VSX2: variants seen among roughly 807,000 people sequenced by gnomAD.
VSX2 encodes the protein ceh-10 homeo domain containing homolog.
Under a neutral mutation model 32.1 loss-of-function variants are expected in VSX2, and 28 were observed. The ratio of observed to expected loss-of-function variants is 0.87; its 90% CI spans 0.65 to 1.20. The LOEUF (loss-of-function observed/expected upper bound fraction) is 1.20. VSX2 is among the 50% of genes most tolerant of loss of function. The pLI, the probability that VSX2 is intolerant of heterozygous loss-of-function variation, is 0.00. For missense variants in VSX2, 506 were observed against 488.7 expected (o/e 1.04, Z -0.33); for synonymous variants, 243 against 214.1 (o/e 1.14, Z -1.18).
intron 3 of VSX2, among the ~76,000 whole-genome samples, chr14:74,255,056 AGGCGTGAACCACTATGCCT>A (rs1395322238): frequency 6.6e-6 from 1 of 152,084 alleles, no homozygotes; most frequent in African/African-American, 2.4e-5. Context: ...CTGGGATTAC[AGGCGTGAACCACTATGCCT>A]GGCCTGAAAA....
intron 3 of VSX2, among the ~76,000 whole-genome samples, chr14:74,256,353 T>A (rs571763292): frequency 6.6e-6 from 1 of 152,078 alleles, no homozygotes; most frequent in South Asian, 2.1e-4. Context: ...ATTGCTTGAA[T>A]GCGGAAGGTG....
At chr14:74,242,188 C>T (rs2079154798) in intron 2 of VSX2, among the ~76,000 whole-genome samples, 1 of 152,092 alleles carries the variant, frequency 6.6e-6, no homozygotes, top group African/African-American at 2.4e-5. Flanking sequence ...GTGCTGCTCG[C>T]AGGTGCTGCC....
intron 3 of VSX2, among the ~76,000 whole-genome samples, chr14:74,258,426 G>A (rs558845462): frequency 6.6e-6 from 1 of 152,262 alleles, no homozygotes; most frequent in East Asian, 1.9e-4. Context: ...GGCGGCGCCG[G>A]CCCAGACCCA....
Position 74,260,887 on chromosome 14 carries a change from C to T in VSX2, c.1054C>T (p.Leu352Phe), listed in dbSNP as rs1375848528. 1 of 1,564,016 alleles carries T rather than the reference C, an allele frequency of 6.4e-7. No individual in the cohort carries two copies. Among genetic ancestry groups the T allele is most frequent in the African/African-American group, 1.4e-5 (1 of 73,680 alleles). The part of the protein sequence containing the change: ...AMDEDRPAER[L>F]SPPQLEDMA ...GGATGAAGACAGGCCGGCGGAGAGG[C>T]TCAGTCCACCGCAGCTGGAGGACAT... Residue 352 changes from leucine (L) to phenylalanine (F), a missense_variant, in exon 5 of 5, where the codon CTC becomes TTC. Leu to Phe is a conservative substitution (Grantham distance 22). Coordinates refer to ENST00000261980, the MANE Select transcript of VSX2 (RefSeq NM_182894.3).
chr14:74,243,699 C>G (rs1244581907), intron 2 of VSX2, among the ~76,000 whole-genome samples: 1 of 151,856 alleles, frequency 6.6e-6, no homozygotes, highest in African/African-American at 2.4e-5. Context: ...CATTTCACAT[C>G]ATCACCCCCC....
rs1190695077 is a variant in VSX2 at position 74,260,866 on chromosome 14, G to A, written c.1033G>A (p.Glu345Lys). Residue 345 changes from glutamate to lysine, a missense_variant, in exon 5 of 5, where the codon GAA becomes AAA. By Grantham distance (56) the Glu-to-Lys change is moderately conservative. Coordinates refer to ENST00000261980, the MANE Select transcript of VSX2 (RefSeq NM_182894.3). ...GCCAGAGGAGGAGGAGGCCATGGAT[G>A]AAGACAGGCCGGCGGAGAGGCTCAG... ...EKPEEEEAMD[E>K]DRPAERLSPP... 17 of 1,569,438 alleles carry A rather than the reference G, an allele frequency of 1.1e-5. No homozygotes were observed. The highest frequency in any genetic ancestry group is 1.5e-5 in the Non-Finnish European group (17 of 1,157,540).
chr14:74,258,608 G>T (rs903553915), intron 3 of VSX2, among the ~76,000 whole-genome samples: 2 of 152,140 alleles, frequency 1.3e-5, no homozygotes, highest in African/African-American at 4.8e-5. Context: ...TACCCCGCGG[G>T]CCTGGACCTC....
rs2079136855 is a variant in VSX2 at position 74,239,803 on chromosome 14, C to T, written c.242C>T (p.Pro81Leu). The change falls in exon 1 of 5, where the codon CCC becomes CTC. Residue 81 changes from proline to leucine, a missense_variant. Physicochemically the swap from Pro to Leu is moderately conservative, Grantham distance 98 (BLOSUM62 -3). Coordinates refer to ENST00000261980, the MANE Select transcript of VSX2 (RefSeq NM_182894.3). ...GTGGGCGGCATGGGGCTTCTGGGGCCCGGGGGGCTCCCTGGCTTCTACACG... is the reference window on the plus strand; with the variant it reads ...GTGGGCGGCATGGGGCTTCTGGGGCTCGGGGGGCTCCCTGGCTTCTACACG... ...AGVGGMGLLG[P>L]GGLPGFYTQP... The T allele has an allele frequency of 6.4e-7, 1 of 1,569,084 alleles. No individual in the cohort carries two copies. Among genetic ancestry groups the T allele is most frequent in the Non-Finnish European group, 8.6e-7 (1 of 1,158,432 alleles).
At position 74,260,841 on chromosome 14, in the gene VSX2, G is replaced by A. The variant is rs2079301940; in HGVS notation, c.1008G>A (p.Lys336=). The change falls in exon 5 of 5, where the codon AAG becomes AAA. Residue 336 remains lysine (K), a synonymous_variant. Transcript: ENST00000261980. ...GPDSLARSTE[K]PEEEEAMDED... ...ACAGCCTGGCCCGGAGTACCGAGAA[G>A]CCAGAGGAGGAGGAGGCCATGGATG... 2 of 1,566,854 alleles carry A rather than the reference G, an allele frequency of 1.3e-6. No individual in the cohort carries two copies. Among genetic ancestry groups the A allele is most frequent in the Non-Finnish European group, 8.6e-7 (1 of 1,156,088 alleles).
chr14:74,253,014 A>T (rs1298844082), intron 3 of VSX2, among the ~76,000 whole-genome samples: 5 of 138,550 alleles, frequency 3.6e-5, no homozygotes, highest in African/African-American at 1.4e-4. Flanking sequence ...GTGCCACTGC[A>T]CCCCAGCCTG....
chr14:74,243,900 C>T (rs150415262), intron 2 of VSX2, among the ~76,000 whole-genome samples: 5 of 152,258 alleles, frequency 3.3e-5, no homozygotes, highest in Non-Finnish European at 7.3e-5. Context: ...GGATTCTACA[C>T]CCCTGTGCTG....
chr14:74,244,913 T>TGAAAGAGAGAGAGAAAGAGAGAGAGAGA (rs1566884380), intron 2 of VSX2, among the ~76,000 whole-genome samples: 1 of 59,218 alleles, frequency 1.7e-5, no homozygotes, highest in Non-Finnish European at 5.1e-5. Context: ...TGTGTGTGTG[T>TGAAAGAGAGAGAGAAAGAGAGAGAGAGA]GTGTGTGTGT....
intron 3 of VSX2, among the ~76,000 whole-genome samples, chr14:74,251,181 G>A (rs2079226846): frequency 6.6e-6 from 1 of 152,056 alleles, no homozygotes; most frequent in African/African-American, 2.4e-5. Flanking sequence ...CGGGTACGGT[G>A]GCTCACACCT....
intron 3 of VSX2, among the ~76,000 whole-genome samples, 160 bp downstream of exon 3, chr14:74,245,448 CAT>C (rs560683699): frequency 5.3e-4 from 81 of 152,186 alleles, no homozygotes; most frequent in African/African-American, 1.8e-3. Flanking sequence ...ACACCTGCCA[CAT>C]GAGGTGGGTG....
intron 3 of VSX2, among the ~76,000 whole-genome samples, chr14:74,252,548 G>A (rs1013381671): frequency 2.0e-5 from 3 of 151,718 alleles, no homozygotes; most frequent in Non-Finnish European, 2.9e-5. Flanking sequence ...GCACCACGAC[G>A]CTCACCTAAT....
At chr14:74,258,045 G>C (rs1400154820) in intron 3 of VSX2, among the ~76,000 whole-genome samples, 2 of 152,134 alleles carry the variant, frequency 1.3e-5, no homozygotes, top group African/African-American at 4.8e-5. Context: ...CGGGGGCCGC[G>C]AGGGGCTGCC....
intron 3 of VSX2, among the ~76,000 whole-genome samples, chr14:74,254,230 T>C (rs1335000734): frequency 1.3e-5 from 2 of 151,912 alleles, no homozygotes; most frequent in African/African-American, 4.8e-5. Context: ...GCCAACATGG[T>C]GAAACCCTGA....
intron 3 of VSX2, 105 bp downstream of exon 3, chr14:74,245,393 G>A (rs1323653307): frequency 6.1e-6 from 9 of 1,486,286 alleles, no homozygotes; most frequent in African/African-American, 2.8e-5. Context: ...CCCCACTGTG[G>A]GCATGTGCTT....
At chr14:74,245,406 C>A in intron 3 of VSX2, 118 bp downstream of exon 3, 2 of 1,409,024 alleles carry the variant, frequency 1.4e-6, no homozygotes, top group East Asian at 2.4e-5. Flanking sequence ...ATGTGCTTGC[C>A]TATGATCATG....
Sources: allele counts gnomAD v4.1 joint callset (sites outside exome capture counted in the v4.1 genomes callset), GRCh38; gene constraint gnomAD v4.1.1; transcripts MANE v1.5; gene names NCBI Gene and HGNC (gene_info 2026-07-23, HGNC 2026-07-21).